ADGRL3: variants seen among roughly 807,000 people sequenced by gnomAD.
ADGRL3 encodes calcium-independent alpha-latrotoxin receptor 3.
A neutral mutation model predicts 153.5 loss-of-function variants in ADGRL3; 62 were observed. The observed-to-expected ratio is 0.40, with a 90% CI of 0.33 to 0.50. The LOEUF (loss-of-function observed/expected upper bound fraction) is 0.50, where lower values mean the gene tolerates loss of function less well. ADGRL3 is among the 20% of genes least tolerant of loss of function. ADGRL3 has a pLI of 0.47. For synonymous variants in ADGRL3, 710 were observed against 672.5 expected (o/e 1.06, Z -0.86); for missense variants, 1,641 against 1,859.4 (o/e 0.88, Z 2.16).
rs567766062 is a variant in ADGRL3 at position 61,612,320 on chromosome 4, C to T, written c.473+24880C>T. ...TTATTGTTGGGAAGCCTTCTCTCTT[C>T]ACTTGTGACAGATCTCCAAATGATA... On this transcript the variant is annotated intron_variant, in intron 5 of 26. Transcript: ENST00000683033. Among the ~76,000 whole-genome samples, 7 of 152,264 alleles carry T rather than the reference C, an allele frequency of 4.6e-5. No homozygotes were observed. In the South Asian group the frequency reaches 1.2e-3, roughly 27 times the overall value.
At chr4:61,521,912 C>G (rs956734100) in intron 4 of ADGRL3, among the ~76,000 whole-genome samples, 21 of 151,960 alleles carry the variant, frequency 1.4e-4, no homozygotes, top group Non-Finnish European at 2.7e-4. Flanking sequence ...AAAAACTAAA[C>G]TAAAAATGTT....
intron 11 of ADGRL3, among the ~76,000 whole-genome samples, chr4:61,904,038 G>A (rs1351536023): frequency 6.6e-6 from 1 of 151,190 alleles, no homozygotes; most frequent in African/African-American, 2.4e-5. Context: ...CGAAGTGCTG[G>A]GATTACAGAT....
chr4:61,390,649 A>G (rs2096791764), intron 2 of ADGRL3, among the ~76,000 whole-genome samples: 1 of 152,092 alleles, frequency 6.6e-6, no homozygotes, highest in Admixed American at 6.6e-5. Context: ...TGCAACCACA[A>G]CTGTTGCCTT....
intron 1 of ADGRL3, among the ~76,000 whole-genome samples, chr4:61,317,001 C>A (rs1374991951): frequency 1.3e-5 from 2 of 152,124 alleles, no homozygotes; most frequent in Admixed American, 1.3e-4. Context: ...TAAGCCTTTT[C>A]CTTAAAGCTT....
chr4:61,465,758 A>AATATATATATATATATATATATAT (rs10701021), intron 2 of ADGRL3, among the ~76,000 whole-genome samples: 23 of 130,148 alleles, frequency 1.8e-4, no homozygotes, highest in South Asian at 1.3e-3. Flanking sequence ...ATTATATATA[A>AATATATATATATATATATATATAT]ATATATATAT....
chr4:61,847,682 A>ATATATATAATATAAAATATAT (rs2098136868), intron 9 of ADGRL3, among the ~76,000 whole-genome samples: 1 of 51,928 alleles, frequency 1.9e-5, no homozygotes, highest in Non-Finnish European at 3.4e-5. Context: ...AAAATATATT[A>ATATATATAATATAAAATATAT]TATATATAAT....
intron 1 of ADGRL3, among the ~76,000 whole-genome samples, chr4:61,258,505 C>A (rs1234615794): frequency 6.6e-6 from 1 of 152,172 alleles, no homozygotes; most frequent in African/African-American, 2.4e-5. Context: ...TAGAAGGGCA[C>A]TGCAAATAGC....
chr4:61,835,034 T>G (rs2097915872), intron 9 of ADGRL3, among the ~76,000 whole-genome samples: 1 of 152,154 alleles, frequency 6.6e-6, no homozygotes, highest in African/African-American at 2.4e-5. Context: ...AGCCATTTCT[T>G]AAAGTGTATG....
intron 6 of ADGRL3, among the ~76,000 whole-genome samples, chr4:61,703,868 A>G (rs17090536): frequency 0.019 from 2,848 of 151,788 alleles, 109 homozygotes; most frequent in African/African-American, 0.065. Flanking sequence ...TCCTACATAA[A>G]TAAAGGGTTT....
At chr4:61,570,352 T>C (rs2098833490) in intron 4 of ADGRL3, among the ~76,000 whole-genome samples, 1 of 152,150 alleles carries the variant, frequency 6.6e-6, no homozygotes, top group Admixed American at 6.6e-5. Flanking sequence ...GGTATTACTC[T>C]CTTTCTATTT....
At chr4:61,232,920 C>G (rs866843801) in intron 1 of ADGRL3, among the ~76,000 whole-genome samples, 1 of 152,174 alleles carries the variant, frequency 6.6e-6, no homozygotes, top group African/African-American at 2.4e-5. Context: ...ACTTACCCAA[C>G]ATTGTAATCA....
chr4:61,646,598 G>T (rs2093998400), intron 5 of ADGRL3, among the ~76,000 whole-genome samples: 1 of 151,668 alleles, frequency 6.6e-6, no homozygotes, highest in African/African-American at 2.4e-5. Flanking sequence ...CGGGGGTCAG[G>T]GGTCAGGGAC....
intron 2 of ADGRL3, among the ~76,000 whole-genome samples, chr4:61,391,604 G>A (rs2096802848): frequency 6.6e-6 from 1 of 151,894 alleles, no homozygotes; most frequent in African/African-American, 2.4e-5. Context: ...TGGGATTGCT[G>A]GTCATATAGT....
At chr4:61,858,838 G>C (rs1312280287) in intron 9 of ADGRL3, among the ~76,000 whole-genome samples, 1 of 152,102 alleles carries the variant, frequency 6.6e-6, no homozygotes, top group African/African-American at 2.4e-5. Flanking sequence ...AAAGAAGTCG[G>C]ACTTAGAAAT....
intron 23 of ADGRL3, among the ~76,000 whole-genome samples, chr4:62,036,249 A>G (rs1337151940): frequency 2.0e-5 from 3 of 152,058 alleles, no homozygotes; most frequent in African/African-American, 7.2e-5. Context: ...TCTATTCTTT[A>G]TGGTGAGAAT....
chr4:61,786,309 G>C (rs900176884), intron 8 of ADGRL3, among the ~76,000 whole-genome samples: 2 of 152,120 alleles, frequency 1.3e-5, no homozygotes, highest in Non-Finnish European at 2.9e-5. Context: ...TCTTCCTATG[G>C]TTTAAATATT....
chr4:61,703,730 C>T (rs1168696447), intron 6 of ADGRL3, among the ~76,000 whole-genome samples: 1 of 151,960 alleles, frequency 6.6e-6, no homozygotes, highest in African/African-American at 2.4e-5. Flanking sequence ...AAAGAGAAAA[C>T]TGACTAAAAA....
intron 1 of ADGRL3, among the ~76,000 whole-genome samples, chr4:61,212,446 C>T (rs2148874877): frequency 6.6e-6 from 1 of 152,110 alleles, no homozygotes; most frequent in Non-Finnish European, 1.5e-5. Context: ...TTATAATTGC[C>T]TAAAGCATCC....
rs991885310 is a variant in ADGRL3, at chr4:61,534,450, C to CT, written c.259+16941dup. ...TTTTTGATTCCGTATAAATTTTAGA[C>CT]TTTTTTTTTCTAATTCTGTGAAAAA... On this transcript the variant is annotated intron_variant, in intron 4 of 26. Coordinates refer to ENST00000683033, the MANE Select transcript of ADGRL3 (RefSeq NM_001387552.1). Among the ~76,000 whole-genome samples the CT allele has an allele frequency of 1.0e-3, 154 of 151,430 alleles. 2 individuals are homozygous for CT. In the Middle Eastern group the frequency reaches 0.014, roughly 13 times the overall value.
Sources: allele counts gnomAD v4.1 joint callset (sites outside exome capture counted in the v4.1 genomes callset), GRCh38; gene constraint gnomAD v4.1.1; transcripts MANE v1.5; gene names NCBI Gene and HGNC (gene_info 2026-07-23, HGNC 2026-07-21).